LRRC4C: variants seen among roughly 807,000 people sequenced by gnomAD.
LRRC4C encodes leucine rich repeat containing 4C, also known as leucine-rich repeat-containing protein 4C.
Under a neutral mutation model 33.6 loss-of-function variants are expected in LRRC4C, and 5 were observed. That is an observed-to-expected ratio of 0.15 (90% CI 0.08 to 0.31). The LOEUF (loss-of-function observed/expected upper bound fraction) is 0.31, where lower values mean the gene tolerates loss of function less well. LRRC4C is among the 10% of genes least tolerant of loss of function. The probability of loss-of-function intolerance (pLI) is 1.00; values close to 1 mark genes in which losing one functional copy is unlikely to be tolerated. For missense variants in LRRC4C, 560 were observed against 796.7 expected (o/e 0.70, Z 3.58); for synonymous variants, 329 against 302.0 (o/e 1.09, Z -0.93).
intron 1 of LRRC4C, among the ~76,000 whole-genome samples, chr11:41,281,042 TTCTCTCTCTCTCTCTCTCTC>T (rs71063910): frequency 5.2e-5 from 4 of 76,192 alleles, no homozygotes; most frequent in African/African-American, 2.2e-4. Flanking sequence ...AATACATATT[TTCTCTCTCTCTCTCTCTCTC>T]TCTCTCTCTC....
intron 2 of LRRC4C, among the ~76,000 whole-genome samples, chr11:40,760,796 T>TAC (rs1193353430): frequency 7.5e-6 from 1 of 132,600 alleles, no homozygotes; most frequent in African/African-American, 3.0e-5. Flanking sequence ...TGTATATATA[T>TAC]ATATACACAC....
intron 2 of LRRC4C, among the ~76,000 whole-genome samples, chr11:40,878,738 T>C (rs1414347229): frequency 2.0e-5 from 3 of 152,312 alleles, no homozygotes; most frequent in Middle Eastern, 3.4e-3. Flanking sequence ...TTGATCACTT[T>C]TGGAGAAATT....
At chr11:41,132,399 G>A (rs1943056266) in intron 1 of LRRC4C, among the ~76,000 whole-genome samples, 1 of 152,048 alleles carries the variant, frequency 6.6e-6, no homozygotes, top group Non-Finnish European at 1.5e-5. Flanking sequence ...AAACTTTTAA[G>A]TTATTAAATA....
intron 3 of LRRC4C, among the ~76,000 whole-genome samples, chr11:40,584,997 C>A (rs781060340): frequency 6.7e-6 from 1 of 150,166 alleles, no homozygotes; most frequent in African/African-American, 2.5e-5. Context: ...AAAAGAGGTT[C>A]TTGGGGGCAG....
At chr11:40,268,628 A>G (rs1040077502) in intron 4 of LRRC4C, among the ~76,000 whole-genome samples, 13 of 152,128 alleles carry the variant, frequency 8.5e-5, no homozygotes, top group Non-Finnish European at 1.3e-4. Flanking sequence ...TAGAATTTGT[A>G]TAACATCAAA....
At chr11:41,333,785 A>G (rs905617318) in intron 1 of LRRC4C, among the ~76,000 whole-genome samples, 1 of 152,196 alleles carries the variant, frequency 6.6e-6, no homozygotes, top group Non-Finnish European at 1.5e-5. Context: ...ACACATCATC[A>G]TTAATCTGCT....
At chr11:40,933,427 T>C (rs1034426305) in intron 2 of LRRC4C, among the ~76,000 whole-genome samples, 5 of 152,244 alleles carry the variant, frequency 3.3e-5, no homozygotes, top group Non-Finnish European at 5.9e-5. Flanking sequence ...GTATAAGTCA[T>C]ATATGAAACA....
intron 1 of LRRC4C, among the ~76,000 whole-genome samples, chr11:40,936,223 G>A (rs1296112548): frequency 1.3e-5 from 2 of 148,210 alleles, no homozygotes; most frequent in East Asian, 4.0e-4. Context: ...ACCATAGTAA[G>A]TTTTATTAAC....
intron 2 of LRRC4C, among the ~76,000 whole-genome samples, chr11:40,784,080 T>TTATATA (rs10691904): frequency 1.3e-4 from 19 of 150,756 alleles, no homozygotes; most frequent in Middle Eastern, 3.5e-3. Flanking sequence ...AGATGTTTAT[T>TTATATA]TATATATATA....
intron 5 of LRRC4C, among the ~76,000 whole-genome samples, chr11:40,151,524 A>G (rs923040066): frequency 1.3e-5 from 2 of 152,234 alleles, no homozygotes; most frequent in Non-Finnish European, 2.9e-5. Flanking sequence ...TTATAATTTC[A>G]AGTCAAGTAT....
intron 1 of LRRC4C, among the ~76,000 whole-genome samples, chr11:41,215,250 G>A (rs970045727): frequency 3.3e-5 from 5 of 151,604 alleles, no homozygotes; most frequent in Non-Finnish European, 7.4e-5. Flanking sequence ...CACGTTGGGA[G>A]GCCAAGGTGG....
intron 1 of LRRC4C, among the ~76,000 whole-genome samples, chr11:41,024,506 G>T (rs1856207249): frequency 6.6e-6 from 1 of 151,626 alleles, no homozygotes; most frequent in Non-Finnish European, 1.5e-5. Flanking sequence ...CGTCTTCCAA[G>T]ACACATTCCT....
At chr11:40,695,280 T>C (rs1343622409) in intron 2 of LRRC4C, among the ~76,000 whole-genome samples, 1 of 152,154 alleles carries the variant, frequency 6.6e-6, no homozygotes, top group Non-Finnish European at 1.5e-5. Flanking sequence ...CGGACTAGTT[T>C]GATCACTTAC....
At chr11:40,736,595 T>G (rs917679087) in intron 2 of LRRC4C, among the ~76,000 whole-genome samples, 1 of 152,192 alleles carries the variant, frequency 6.6e-6, no homozygotes, top group African/African-American at 2.4e-5. Context: ...CCACACCATC[T>G]TCCACAATGG....
intron 3 of LRRC4C, among the ~76,000 whole-genome samples, chr11:40,611,215 C>T (rs930443166): frequency 2.0e-5 from 3 of 151,700 alleles, no homozygotes; most frequent in African/African-American, 7.3e-5. Flanking sequence ...CTGAGAAACC[C>T]ATGCATATAC....
At chr11:40,234,201 A>C (rs721587) in intron 5 of LRRC4C, among the ~76,000 whole-genome samples, 116,924 of 152,140 alleles carry the variant, frequency 0.77, 49,056 homozygotes, top group East Asian at 0.96. Flanking sequence ...GTCAGCTAGA[A>C]TTAAAGTTCA....
In LRRC4C at chr11:40,116,429, G is replaced by A. The variant is rs566977414; in HGVS notation, c.-42-95C>T. The stretch of plus-strand genomic sequence containing the variant: ...TCGGTGATATAGTGTATCAGCTAAA[G>A]CCATCATGTGTGAGACAAATTAAAA... On this transcript the variant is annotated intron_variant, in intron 6 of 6. Coordinates refer to ENST00000528697, the MANE Select transcript of LRRC4C (RefSeq NM_001258419.2). 221 of 1,271,396 alleles carry A rather than the reference G, an allele frequency of 1.7e-4. No homozygotes were observed. In the African/African-American group the frequency reaches 2.5e-3, roughly 14 times the overall value. 78.8% of individuals were successfully genotyped at this position (1,271,396 alleles called of 1,614,324 possible).
At chr11:41,325,566 GTTT>G (rs71466927) in intron 1 of LRRC4C, among the ~76,000 whole-genome samples, 1,897 of 106,524 alleles carry the variant, frequency 0.018, 38 homozygotes, top group Non-Finnish European at 0.024. Flanking sequence ...TGTCCTTATA[GTTT>G]TTTTTTTTTG....
At chr11:40,369,937 G>A (rs971235511) in intron 3 of LRRC4C, among the ~76,000 whole-genome samples, 3 of 152,184 alleles carry the variant, frequency 2.0e-5, no homozygotes, top group Non-Finnish European at 1.5e-5. Flanking sequence ...GAAAAAAGTG[G>A]AAGATGTACC....
Sources: allele counts gnomAD v4.1 joint callset (sites outside exome capture counted in the v4.1 genomes callset), GRCh38; gene constraint gnomAD v4.1.1; transcripts MANE v1.5; gene names NCBI Gene and HGNC (gene_info 2026-07-23, HGNC 2026-07-21).